The following SYNE1 variants were observed in gnomAD, a reference collection of about 807,000 sequenced individuals.
SYNE1 encodes the protein nesprin-1.
SYNE1 carries 616 observed loss-of-function variants against 1,111.0 expected under a neutral mutation model. That is an observed-to-expected ratio of 0.55 (90% CI 0.52 to 0.59). The LOEUF (loss-of-function observed/expected upper bound fraction) is 0.59. SYNE1 is among the 20% of genes least tolerant of loss of function. SYNE1 has a pLI of 0.00. For synonymous variants in SYNE1, 3,855 were observed against 3,825.8 expected, an observed-to-expected ratio of 1.01 and a Z score of -0.28; for missense variants, 10,006 against 10,417.0, an observed-to-expected ratio of 0.96 and a Z score of 1.72.
Position 152,201,805 on chromosome 6 carries a change from T to C in SYNE1, c.23145+19A>G. The C allele has an allele frequency of 6.2e-7, 1 of 1,613,706 alleles. No homozygotes were observed. The highest frequency in any genetic ancestry group is 8.5e-7 in the Non-Finnish European group (1 of 1,179,786). ...AGAGGCACACAGGTGACGGTGAAAA[T>C]CTCAGTTCAGTAATTTACCTTGCAA... On this transcript the variant is annotated intron_variant, in intron 127 of 145. Transcript: ENST00000367255.
rs745451714 is a variant in SYNE1, at chr6:152,353,655, G to A, written c.11016C>T (p.Asn3672=). Residue 3672 remains asparagine, a synonymous_variant, in exon 68 of 146, where the codon AAC becomes AAT. Transcript: ENST00000367255. ...GGGTGGCCTGGCAACCCATTCTGCT[G>A]TTCACGTGGCTCTCGTCCAGTATCT... ...AQEILDESHV[N]SRMGCQATQL... is the part of the protein sequence containing the mutation. 2.5e-6 allele frequency: 4 copies of A among 1,614,190 alleles called. No homozygotes were observed. The highest frequency in any genetic ancestry group is 4.5e-5 in the East Asian group (2 of 44,874).
At chr6:152,225,669 G>A in intron 116 of SYNE1, 52 bp downstream of exon 116, 1 of 1,612,000 alleles carries the variant, frequency 6.2e-7, no homozygotes. Flanking sequence ...CCAGAGTTTG[G>A]ACAGAGCTGG....
intron 3 of SYNE1, among the ~76,000 whole-genome samples, chr6:152,558,843 T>C (rs2099384371): frequency 6.6e-6 from 1 of 152,044 alleles, no homozygotes; most frequent in African/African-American, 2.4e-5. Context: ...CTAAACAATG[T>C]AACAGATGTA....
Position 152,330,243 on chromosome 6 carries a change from C to T in SYNE1, c.14442G>A (p.Lys4814=), listed in dbSNP as rs1445313226. 11 of 1,614,064 alleles carry T rather than the reference C, an allele frequency of 6.8e-6. No homozygotes were observed. Among genetic ancestry groups the T allele is most frequent in the Non-Finnish European group, 9.3e-6 (11 of 1,180,036 alleles). ...CTGCCAGGGAGTGATACATTTTGAG[C>T]TTCTCCTCTGCAGGCAGCGTTTCCT... ...VNEETLPAEE[K]LKMYHSLAGS... Residue 4814 remains lysine (K), a synonymous_variant, in exon 78 of 146, where the codon AAG becomes AAA. Coordinates refer to ENST00000367255, the MANE Select transcript of SYNE1 (RefSeq NM_182961.4).
chr6:152,385,970 A>T (rs1413256583), intron 54 of SYNE1, 132 bp from the exon 55 acceptor site: 1 of 817,674 alleles, frequency 1.2e-6, no homozygotes, highest in African/African-American at 1.7e-5. Flanking sequence ...ATTTTCTCTG[A>T]GTTTAATATC....
rs149091219 is a variant in SYNE1, at chr6:152,369,297, A to G, written c.9652-170T>C. ...GAGCACAAATCATGGAAGGAAACAA[A>G]TCATACTTCCAAGGAAAGTCAGAAA... is the stretch of plus-strand genomic sequence containing the variant. On this transcript the variant is annotated intron_variant, in intron 60 of 145. Transcript: ENST00000367255. 1.7e-3 allele frequency: 2,290 copies of G among 1,349,548 alleles called. 8 individuals are homozygous for G. The highest frequency in any genetic ancestry group is 0.014 in the Middle Eastern group (53 of 3,902). The allele number at this position is 1,349,548 out of a possible 1,614,324, so 83.6% of individuals were successfully genotyped here.
rs1381813634 is a variant in SYNE1, at chr6:152,317,227, CTTTTTTCTTTTTT to C, written c.16573-254_16573-242del. Among the ~76,000 whole-genome samples the C allele has an allele frequency of 5.0e-5, 7 of 140,036 alleles. No individual in the cohort carries two copies. In the East Asian group the frequency reaches 1.9e-3, roughly 38 times the overall value. The allele number at this position is 140,036 out of a possible 152,430, so 91.9% of individuals were successfully genotyped here. A position where few individuals can be genotyped will look rare whatever the true frequency, so the allele number is the denominator to read the frequency against. On this transcript the variant is annotated intron_variant, in intron 86 of 145. Transcript: ENST00000367255. ...TTATTCCTCTTTTTCTTTCTTTTTTCTTTTTTCTTTTTTTTTTTTTTCCAAGGTCTTACTGTCA... is the reference window on the plus strand; with the variant it reads ...TTATTCCTCTTTTTCTTTCTTTTTTCTTTTTTTTCCAAGGTCTTACTGTCA...
intron 104 of SYNE1, among the ~76,000 whole-genome samples, chr6:152,250,797 T>C (rs1287791426): frequency 1.3e-5 from 2 of 152,246 alleles, no homozygotes; most frequent in Non-Finnish European, 2.9e-5. Context: ...AAAGATGTCC[T>C]GCATTCACTT....
At chr6:152,195,582 A>ATAAGATCTGG (rs2073897576) in intron 127 of SYNE1, among the ~76,000 whole-genome samples, 1 of 152,220 alleles carries the variant, frequency 6.6e-6, no homozygotes, top group African/African-American at 2.4e-5. Context: ...GTGGTCTTGG[A>ATAAGATCTGG]TAAGATCTGG....
chr6:152,164,038 C>A lies in SYNE1; in HGVS notation c.23790+125G>T. Reference sequence around the variant, plus strand: ...TGCCTAGGCAAAGCCCCCTTCCTCACCAGTCCTGCCTAGCTCCCTGCTGAC... The same window carrying A: ...TGCCTAGGCAAAGCCCCCTTCCTCAACAGTCCTGCCTAGCTCCCTGCTGAC... On this transcript the variant is annotated intron_variant, in intron 131 of 145. Coordinates refer to ENST00000367255, the MANE Select transcript of SYNE1 (RefSeq NM_182961.4). 5.3e-6 allele frequency: 7 copies of A among 1,331,192 alleles called. No individual in the cohort carries two copies. The South Asian group carries it at 5.9e-5, about 11-fold the overall frequency. The allele number at this position is 1,331,192 out of a possible 1,614,324, so 82.5% of individuals were successfully genotyped here.
Position 152,249,206 on chromosome 6 carries a change from T to C in SYNE1, c.19527A>G (p.Gln6509=), listed in dbSNP as rs377427003. The change falls in exon 105 of 146, where the codon CAA becomes CAG. Residue 6509 remains glutamine, a synonymous_variant. Coordinates refer to ENST00000367255, the MANE Select transcript of SYNE1 (RefSeq NM_182961.4). ...GCTGTTCAAACACATTTGCCAGTTTTTGCAGAATGATGTATTTGTTGTCAG... is the reference window on the plus strand; with the variant it reads ...GCTGTTCAAACACATTTGCCAGTTTCTGCAGAATGATGTATTTGTTGTCAG... ...SLADNKYIIL[Q]KLANVFEQPV... The C allele has an allele frequency of 1.1e-5, 17 of 1,614,016 alleles. No individual in the cohort carries two copies. The African/African-American group carries it at 2.3e-4, about 22-fold the overall frequency.
intron 3 of SYNE1, among the ~76,000 whole-genome samples, chr6:152,566,152 C>T (rs2099412730): frequency 6.6e-6 from 1 of 152,100 alleles, no homozygotes; most frequent in Admixed American, 6.6e-5. Context: ...GCTTCTAGCT[C>T]CTTACCCCTC....
chr6:152,486,731 T>C (rs562833430), intron 12 of SYNE1, among the ~76,000 whole-genome samples: 1 of 152,226 alleles, frequency 6.6e-6, no homozygotes, highest in Non-Finnish European at 1.5e-5. Context: ...ATTAACCACA[T>C]ATTTATTGCT....
At chr6:152,472,588 T>C in intron 14 of SYNE1, 175 bp from the exon 15 acceptor site, 1 of 709,140 alleles carries the variant, frequency 1.4e-6, no homozygotes, top group Non-Finnish European at 2.6e-6. Context: ...AGGAGCTGGG[T>C]GCTTGTACTT....
At chr6:152,201,177 T>C (rs575739897) in intron 127 of SYNE1, among the ~76,000 whole-genome samples, 1 of 152,264 alleles carries the variant, frequency 6.6e-6, no homozygotes, top group African/African-American at 2.4e-5. Flanking sequence ...TTTGGACATT[T>C]CACTTGGCTA....
chr6:152,214,081 A>G (rs2078081292), intron 122 of SYNE1, among the ~76,000 whole-genome samples: 1 of 151,858 alleles, frequency 6.6e-6, no homozygotes, highest in Admixed American at 6.6e-5. Context: ...TGTGACTGTA[A>G]TCCCAGCTAC....
intron 42 of SYNE1, chr6:152,410,224 C>T (rs2098000112): frequency 6.5e-6 from 1 of 154,956 alleles, no homozygotes; most frequent in African/African-American, 2.4e-5. Context: ...ATATGACTAC[C>T]CTGAAGACTG....
At chr6:152,476,412 C>T (rs7755692) in intron 14 of SYNE1, among the ~76,000 whole-genome samples, 1 of 151,856 alleles carries the variant, frequency 6.6e-6, no homozygotes, top group Non-Finnish European at 1.5e-5. Flanking sequence ...TCTGCCCTCA[C>T]AACATATTCA....
At chr6:152,286,170 T>C (rs2094317398) in intron 95 of SYNE1, among the ~76,000 whole-genome samples, 1 of 152,214 alleles carries the variant, frequency 6.6e-6, no homozygotes, top group Non-Finnish European at 1.5e-5. Context: ...TAATATTATA[T>C]ACATCTAGAA....
Sources: gnomAD v4.1 joint callset for allele counts (sites outside exome capture counted in the v4.1 genomes callset) on GRCh38, gnomAD v4.1.1 for gene constraint, MANE v1.5 for transcripts, NCBI Gene and HGNC (gene_info 2026-07-23, HGNC 2026-07-21) for gene names.